The following KCNH5 variants were observed in gnomAD, a reference collection of about 807,000 sequenced individuals.
KCNH5 encodes potassium voltage-gated channel subfamily H member 5, also known as voltage-gated delayed rectifier potassium channel KCNH5.
In KCNH5, 46 loss-of-function variants were observed where a neutral mutation model predicts 96.1. That is an observed-to-expected ratio of 0.48 (90% CI 0.38 to 0.61). KCNH5 has a LOEUF of 0.61. Among genes scored for constraint, KCNH5 ranks in the 20% least tolerant of loss-of-function variants. The pLI is 0.00. For missense variants in KCNH5, 907 were observed against 1,225.8 expected (o/e 0.74, Z 3.88); for synonymous variants, 439 against 449.8 (o/e 0.98, Z 0.30).
chr14:62,906,337 AG>A (rs943920075), intron 7 of KCNH5, among the ~76,000 whole-genome samples: 2 of 152,210 alleles, frequency 1.3e-5, no homozygotes, highest in African/African-American at 4.8e-5. Context: ...GTGAGAATAT[AG>A]AAAAGGTTGA....
At chr14:62,978,843 T>G (rs1023783964) in intron 6 of KCNH5, among the ~76,000 whole-genome samples, 3 of 152,210 alleles carry the variant, frequency 2.0e-5, no homozygotes, top group Admixed American at 1.3e-4. Context: ...TTTTAAAGTA[T>G]GTATGCATTG....
chr14:62,781,529 C>A (rs536316243), intron 9 of KCNH5, among the ~76,000 whole-genome samples: 2 of 152,134 alleles, frequency 1.3e-5, no homozygotes, highest in Non-Finnish European at 2.9e-5. Context: ...CCGTAAGAGA[C>A]GGCCACGCCC....
At chr14:62,991,094 G>A (rs1031940236) in intron 4 of KCNH5, among the ~76,000 whole-genome samples, 7 of 151,856 alleles carry the variant, frequency 4.6e-5, no homozygotes, top group African/African-American at 1.7e-4. Context: ...ATATTACCTT[G>A]GTTGACTAAC....
chr14:62,783,083 A>C (rs1457308542), intron 9 of KCNH5, among the ~76,000 whole-genome samples: 1 of 152,194 alleles, frequency 6.6e-6, no homozygotes, highest in Non-Finnish European at 1.5e-5. Flanking sequence ...AGGTATCATA[A>C]ATTTTACAAA....
In KCNH5 at chr14:62,785,872, G is replaced by T. The variant is rs140138847; in HGVS notation, c.1823-5948C>A. ...GAGACACATTATTTGGTGAGTTAAT[G>T]ACATGAATAAAATAAATGCATAAAA... On this transcript the variant is annotated intron_variant, in intron 9 of 10. Coordinates refer to ENST00000322893, the MANE Select transcript of KCNH5 (RefSeq NM_139318.5). Among the ~76,000 whole-genome samples the T allele has an allele frequency of 3.2e-3, 489 of 152,270 alleles. 2 individuals carry two copies. Among genetic ancestry groups the T allele is most frequent in the African/African-American group, 0.012 (478 of 41,548 alleles).
chr14:62,855,060 C>T (rs543380968), intron 7 of KCNH5, among the ~76,000 whole-genome samples: 32 of 151,762 alleles, frequency 2.1e-4, no homozygotes, highest in Non-Finnish European at 4.3e-4. Context: ...TCTAATTCCT[C>T]ACTATTGAAA....
At chr14:62,946,841 A>C (rs1281214366) in intron 7 of KCNH5, among the ~76,000 whole-genome samples, 1 of 152,184 alleles carries the variant, frequency 6.6e-6, no homozygotes, top group Admixed American at 6.5e-5. Flanking sequence ...ATTTTACATA[A>C]TTTAATTTAT....
intron 1 of KCNH5, among the ~76,000 whole-genome samples, chr14:63,017,195 T>C (rs1226422902): frequency 2.1e-4 from 32 of 152,080 alleles, no homozygotes; most frequent in Non-Finnish European, 7.4e-5. Context: ...CAGTTTATAA[T>C]AATTCTTTCC....
At chr14:62,968,912 G>T (rs1283560436) in intron 6 of KCNH5, among the ~76,000 whole-genome samples, 1 of 151,966 alleles carries the variant, frequency 6.6e-6, no homozygotes, top group Non-Finnish European at 1.5e-5. Flanking sequence ...TGCCAAATAG[G>T]GTCACCAACA....
Position 62,779,865 on chromosome 14 carries a change from C to T in KCNH5, c.1882G>A (p.Ala628Thr). 2 of 1,613,880 alleles carry T rather than the reference C, an allele frequency of 1.2e-6. No homozygotes were observed. The highest frequency in any genetic ancestry group is 1.7e-6 in the Non-Finnish European group (2 of 1,179,812). Residue 628 changes from alanine to threonine, a missense_variant, in exon 10 of 11, where the codon GCG (alanine) becomes ACG (threonine). This residue lies in a region of KCNH5 where 57 missense variants were observed against 76.0 expected (regional missense o/e 0.75). Transcript: ENST00000322893. ...WKETTLAHAC[A>T]NVRALTYCDL... Reference sequence around the variant, plus strand: ...CAGTACGTCAGTGCCCGGACGTTCGCACATGCATGGGCAAGGGTGGTTTCC... The same window carrying T: ...CAGTACGTCAGTGCCCGGACGTTCGTACATGCATGGGCAAGGGTGGTTTCC...
chr14:62,829,564 T>G (rs1176541824), intron 8 of KCNH5, among the ~76,000 whole-genome samples: 1 of 152,166 alleles, frequency 6.6e-6, no homozygotes, highest in Non-Finnish European at 1.5e-5. Flanking sequence ...AGGCTGCACT[T>G]TGGCCCCTTT....
chr14:62,914,648 G>A (rs1889239196), intron 7 of KCNH5, among the ~76,000 whole-genome samples: 2 of 152,038 alleles, frequency 1.3e-5, no homozygotes, highest in Admixed American at 1.3e-4. Context: ...GAGGTCCTTT[G>A]CCCCTTCCAC....
intron 10 of KCNH5, among the ~76,000 whole-genome samples, chr14:62,726,993 C>T (rs1884940162): frequency 6.6e-6 from 1 of 152,046 alleles, no homozygotes; most frequent in South Asian, 2.1e-4. Context: ...GTGCCAGATA[C>T]AAATGAATAC....
chr14:62,844,572 T>C (rs185156765), intron 8 of KCNH5, among the ~76,000 whole-genome samples: 43 of 152,282 alleles, frequency 2.8e-4, no homozygotes, highest in Non-Finnish European at 5.7e-4. Context: ...CACAGAATAT[T>C]AGCAAGCAGC....
At chr14:62,813,096 A>T (rs1886905106) in intron 8 of KCNH5, among the ~76,000 whole-genome samples, 1 of 152,154 alleles carries the variant, frequency 6.6e-6, no homozygotes. Context: ...TAGTAGGTAA[A>T]ATGCCAAAAC....
At chr14:62,946,923 T>G (rs1262973177) in intron 7 of KCNH5, among the ~76,000 whole-genome samples, 1 of 152,076 alleles carries the variant, frequency 6.6e-6, no homozygotes, top group African/African-American at 2.4e-5. Context: ...TAGGGATAGT[T>G]GGGGGAAATG....
chr14:63,040,877 T>C (rs1287768200), intron 1 of KCNH5, among the ~76,000 whole-genome samples: 1 of 152,104 alleles, frequency 6.6e-6, no homozygotes, highest in Non-Finnish European at 1.5e-5. Flanking sequence ...TTGAGGATAC[T>C]GAGTTTCTTC....
At chr14:63,006,548 T>C in intron 2 of KCNH5, 76 bp from the exon 3 acceptor site, 4 of 822,860 alleles carry the variant, frequency 4.9e-6, no homozygotes, top group Non-Finnish European at 8.2e-6. Context: ...CATATAATTG[T>C]CTTTGACTAG....
chr14:63,042,603 TTAAG>T (rs1468077631), intron 1 of KCNH5, among the ~76,000 whole-genome samples: 2 of 152,150 alleles, frequency 1.3e-5, no homozygotes, highest in African/African-American at 4.8e-5. Context: ...TTCAATGTTG[TTAAG>T]TTAGTGAATA....
Sources: gnomAD v4.1 joint callset for allele counts (sites outside exome capture counted in the v4.1 genomes callset) on GRCh38, gnomAD v4.1.1 for gene constraint, gnomAD v4.1.1 regional missense constraint, MANE v1.5 for transcripts, NCBI Gene and HGNC (gene_info 2026-07-23, HGNC 2026-07-21) for gene names.